Variants in MSANTD2 observed in about 807,000 individuals in gnomAD.
The protein encoded by MSANTD2 is Myb/SANT DNA binding domain containing 2, also known as myb/SANT-like DNA-binding domain-containing protein 2.
A neutral mutation model predicts 52.6 loss-of-function variants in MSANTD2; 19 were observed. The ratio of observed to expected loss-of-function variants is 0.36; its 90% CI spans 0.25 to 0.53. The LOEUF (loss-of-function observed/expected upper bound fraction) is 0.53. Ranked by LOEUF, MSANTD2 falls within the 20% of genes least tolerant of loss-of-function variation. MSANTD2 has a pLI of 0.91. For missense variants in MSANTD2, 558 were observed against 716.3 expected, an observed-to-expected ratio of 0.78 and a Z score of 2.52; for synonymous variants, 291 against 289.7, an observed-to-expected ratio of 1.00 and a Z score of -0.04.
Position 124,766,518 on chromosome 11 carries a change from T to TA in MSANTD2, c.*657_*658insT, listed in dbSNP as rs1408696851. On this transcript the variant is annotated 3_prime_UTR_variant, in exon 4 of 4. Transcript: ENST00000374979. ...CAAGGGGCCAGGAATTACTTTAATT[T>TA]TTTTTTTTTAAAAAAAGGTTTAAAT... is the stretch of plus-strand genomic sequence containing the variant. The TA allele has an allele frequency of 1.1e-4, 15 of 139,434 alleles. No homozygotes were observed. Among genetic ancestry groups the TA allele is most frequent in the Admixed American group, 6.1e-4 (9 of 14,742 alleles). The allele number at this position is 139,434 out of a possible 1,614,324, so 8.6% of individuals were successfully genotyped here.
intron 3 of MSANTD2, among the ~76,000 whole-genome samples, chr11:124,772,774 C>T (rs1201649173): frequency 7.5e-6 from 1 of 133,152 alleles, no homozygotes; most frequent in East Asian, 2.2e-4. Context: ...AAAAAAAGAA[C>T]GTATAGACAT....
At chr11:124,791,798 C>G (rs1261366518) in intron 1 of MSANTD2, 1 of 556,164 alleles carries the variant, frequency 1.8e-6, no homozygotes, top group African/African-American at 1.9e-5. Context: ...AGAGAAAGAT[C>G]CCCCGCCAGG....
At chr11:124,770,175 T>C (rs1565449259) in intron 3 of MSANTD2, among the ~76,000 whole-genome samples, 1 of 152,232 alleles carries the variant, frequency 6.6e-6, no homozygotes, top group Non-Finnish European at 1.5e-5. Context: ...TTCCTAGTTA[T>C]ACCAACTGGG....
chr11:124,778,312 G>A (rs1306519592), intron 1 of MSANTD2, among the ~76,000 whole-genome samples: 1 of 152,124 alleles, frequency 6.6e-6, no homozygotes, highest in East Asian at 1.9e-4. Flanking sequence ...GAAATTTGTA[G>A]TAACTTAAGC....
At chr11:124,799,216 G>A (rs1288688060) in intron 1 of MSANTD2, among the ~76,000 whole-genome samples, 2 of 152,186 alleles carry the variant, frequency 1.3e-5, no homozygotes, top group African/African-American at 4.8e-5. Context: ...CCAAATTCCA[G>A]ACCAACTCTT....
At chr11:124,793,487 G>C (rs1945395747) in intron 1 of MSANTD2, among the ~76,000 whole-genome samples, 1 of 152,130 alleles carries the variant, frequency 6.6e-6, no homozygotes, top group Admixed American at 6.6e-5. Flanking sequence ...CAAAAAGTCT[G>C]AACACCCATT....
chr11:124,798,234 TAAAAAAAAAA>T (rs10601418), intron 1 of MSANTD2, among the ~76,000 whole-genome samples: 19,238 of 110,506 alleles, frequency 0.17, 1,714 homozygotes, highest in Non-Finnish European at 0.23. Context: ...CCCTGTCTCT[TAAAAAAAAAA>T]AAAAAAAAAA....
chr11:124,785,693 TG>T (rs542825250), intron 1 of MSANTD2, among the ~76,000 whole-genome samples: 3 of 151,692 alleles, frequency 2.0e-5, no homozygotes, highest in Admixed American at 1.3e-4. Context: ...TCCAGACAGC[TG>T]GGGGGGGACT....
At chr11:124,770,102 A>C (rs1345073374) in intron 3 of MSANTD2, among the ~76,000 whole-genome samples, 2 of 152,216 alleles carry the variant, frequency 1.3e-5, no homozygotes, top group Admixed American at 1.3e-4. Context: ...TTGAAGTTCC[A>C]ATCACCAGAA....
chr11:124,782,886 G>A (rs1945029547), intron 1 of MSANTD2, among the ~76,000 whole-genome samples: 1 of 152,150 alleles, frequency 6.6e-6, no homozygotes, highest in Non-Finnish European at 1.5e-5. Flanking sequence ...GAATCTTGAT[G>A]GGCGGGGCTC....
At chr11:124,787,274 C>T (rs1364469715) in intron 1 of MSANTD2, among the ~76,000 whole-genome samples, 1 of 152,214 alleles carries the variant, frequency 6.6e-6, no homozygotes, top group Non-Finnish European at 1.5e-5. Flanking sequence ...GAGTAACATA[C>T]TCAAAAGAAC....
rs559548907 is a variant in MSANTD2 at position 124,772,913 on chromosome 11, T to C, written c.827+81A>G. On this transcript the variant is annotated intron_variant, in intron 3 of 3. Coordinates refer to ENST00000374979, the MANE Select transcript of MSANTD2 (RefSeq NM_001308027.2). The stretch of plus-strand genomic sequence containing the variant: ...GTGAATGGCCGGAACTTTCATAATA[T>C]GTCTAAATATTTTCTGATCTTCCCA... 5.6e-6 allele frequency: 5 copies of C among 887,626 alleles called. No homozygotes were observed. The East Asian group carries it at 1.2e-4, about 22-fold the overall frequency. The allele number at this position is 887,626 out of a possible 1,614,324, so 55.0% of individuals were successfully genotyped here. A position where few individuals can be genotyped will look rare whatever the true frequency, so the allele number is the denominator to read the frequency against.
chr11:124,799,982 G>A lies in MSANTD2; in HGVS notation c.399C>T (p.Gly133=). The A allele has an allele frequency of 1.9e-6, 3 of 1,584,890 alleles. No homozygotes were observed. Among genetic ancestry groups the A allele is most frequent in the Non-Finnish European group, 2.6e-6 (3 of 1,174,812 alleles). The part of the protein sequence containing the change: ...EARYQQLEGA[G]TVFGSKAPGP... Reference sequence around the variant, plus strand: ...CGGGGGCCTTGCTGCCGAACACCGTGCCGGCTCCCTCCAGCTGCTGGTACC... The same window carrying A: ...CGGGGGCCTTGCTGCCGAACACCGTACCGGCTCCCTCCAGCTGCTGGTACC... Residue 133 remains glycine (G), a synonymous_variant, in exon 1 of 4, where the codon GGC becomes GGT. Transcript: ENST00000374979.
At chr11:124,785,397 G>A (rs1039337197) in intron 1 of MSANTD2, among the ~76,000 whole-genome samples, 9 of 152,332 alleles carry the variant, frequency 5.9e-5, no homozygotes, top group Non-Finnish European at 1.0e-4. Context: ...AGGCTCTTGG[G>A]AACCACACAT....
chr11:124,784,492 C>G (rs1025580761), intron 1 of MSANTD2: 1 of 982,792 alleles, frequency 1.0e-6, no homozygotes, highest in African/African-American at 1.8e-5. Context: ...ACCCCCCCCC[C>G]GCCACCTCAA....
chr11:124,782,036 C>G (rs1390528065), intron 1 of MSANTD2, among the ~76,000 whole-genome samples: 1 of 152,208 alleles, frequency 6.6e-6, no homozygotes, highest in African/African-American at 2.4e-5. Context: ...CTCTTCATCA[C>G]CTGCTGATAT....
Position 124,800,105 on chromosome 11 carries a change from C to G in MSANTD2, c.276G>C (p.Ala92=). The change falls in exon 1 of 4, where the codon GCG becomes GCC. Residue 92 remains alanine (A), a synonymous_variant. Coordinates refer to ENST00000374979, the MANE Select transcript of MSANTD2 (RefSeq NM_001308027.2). This position sits in a 1 kb window ranked among gnomAD's most constrained non-coding sequence, Gnocchi z 4.3. ...CCCGGCAGGCGGCGGCGGCGGCTGC[C>G]GCAGCCCCGCCACCGCCGCCACCAG... The part of the protein sequence containing the change: ...FSPGGGGGGA[A]AAAAAACRGM... 1.3e-6 allele frequency: 2 copies of G among 1,481,778 alleles called. No homozygotes were observed. The highest frequency in any genetic ancestry group is 1.8e-6 in the Non-Finnish European group (2 of 1,125,746). 91.8% of individuals were successfully genotyped at this position (1,481,778 alleles called of 1,614,324 possible). A position where few individuals can be genotyped will look rare whatever the true frequency, so the allele number is the denominator to read the frequency against.
In MSANTD2 at chr11:124,800,187, C is replaced by T. The variant is rs1262461223; in HGVS notation, c.194G>A (p.Gly65Asp). 6.8e-7 allele frequency: 1 copy of T among 1,468,150 alleles called. No homozygotes were observed. Among genetic ancestry groups the T allele is most frequent in the Non-Finnish European group, 9.0e-7 (1 of 1,113,242 alleles). The allele number at this position is 1,468,150 out of a possible 1,614,324, so 90.9% of individuals were successfully genotyped here. A position where few individuals can be genotyped will look rare whatever the true frequency, so the allele number is the denominator to read the frequency against. ...AAGSGAAASG[G>D]LGLGLGGRSA... Reference sequence around the variant, plus strand: ...GCGGCCCCCCAGCCCCAGCCCGAGACCCCCGGACGCCGCTGCCCCCGAGCC... The same window carrying T: ...GCGGCCCCCCAGCCCCAGCCCGAGATCCCCGGACGCCGCTGCCCCCGAGCC... Residue 65 changes from glycine to aspartate, a missense_variant, in exon 1 of 4, where the codon GGT (glycine) becomes GAT (aspartate). Gly to Asp is a moderately conservative substitution (Grantham distance 94, BLOSUM62 -1). Transcript: ENST00000374979. The surrounding 1 kb of genome is among the most constrained non-coding windows in gnomAD (Gnocchi z 4.3).
chr11:124,783,390 G>A (rs1945050378), intron 1 of MSANTD2, among the ~76,000 whole-genome samples: 1 of 152,198 alleles, frequency 6.6e-6, no homozygotes, highest in African/African-American at 2.4e-5. Flanking sequence ...GGAGGCCAAG[G>A]CAGGCAGATC....
Sources: gnomAD v4.1 joint callset for allele counts (sites outside exome capture counted in the v4.1 genomes callset) on GRCh38, gnomAD v4.1.1 for gene constraint, Gnocchi (gnomAD v3.1) non-coding constraint, MANE v1.5 for transcripts, NCBI Gene and HGNC (gene_info 2026-07-23, HGNC 2026-07-21) for gene names.